Variants in GPATCH2 observed in about 807,000 individuals in gnomAD.
GPATCH2 encodes G patch domain-containing protein 2.
A neutral mutation model predicts 58.0 loss-of-function variants in GPATCH2; 51 were observed. The observed-to-expected ratio is 0.88, with a 90% CI of 0.70 to 1.11. The LOEUF (loss-of-function observed/expected upper bound fraction) is 1.11. Among genes scored for constraint, GPATCH2 ranks in the 50% most tolerant of loss-of-function variants. GPATCH2 has a pLI of 0.00. For missense variants in GPATCH2, 625 were observed against 652.2 expected, an observed-to-expected ratio of 0.96 and a Z score of 0.45; for synonymous variants, 222 against 218.5, an observed-to-expected ratio of 1.02 and a Z score of -0.14.
intron 5 of GPATCH2, among the ~76,000 whole-genome samples, chr1:217,555,586 C>T (rs182882720): frequency 1.3e-5 from 2 of 152,122 alleles, no homozygotes; most frequent in Admixed American, 6.6e-5. Flanking sequence ...GTCCATGATA[C>T]TTATTAATCA....
At chr1:217,453,324 T>C (rs188818580) in intron 8 of GPATCH2, among the ~76,000 whole-genome samples, 125 of 152,258 alleles carry the variant, frequency 8.2e-4, no homozygotes, top group African/African-American at 3.0e-3. Flanking sequence ...ATCAACTAGA[T>C]ATGTGTTTTA....
chr1:217,486,979 A>G (rs1428316704), intron 8 of GPATCH2, among the ~76,000 whole-genome samples: 2 of 152,212 alleles, frequency 1.3e-5, no homozygotes, highest in East Asian at 3.8e-4. Flanking sequence ...CACTTAGACC[A>G]GAGGTCTGAG....
intron 5 of GPATCH2, among the ~76,000 whole-genome samples, chr1:217,573,080 A>G (rs1297921944): frequency 6.6e-6 from 1 of 152,226 alleles, no homozygotes; most frequent in Non-Finnish European, 1.5e-5. Context: ...CTTTTTAAGC[A>G]AATAAAATGA....
chr1:217,580,607 A>C (rs950877165), intron 5 of GPATCH2, among the ~76,000 whole-genome samples: 2 of 152,148 alleles, frequency 1.3e-5, no homozygotes, highest in Non-Finnish European at 2.9e-5. Context: ...CGGTAATCTC[A>C]ATCCTTTCAC....
chr1:217,490,944 G>A (rs1475613792), intron 8 of GPATCH2, among the ~76,000 whole-genome samples: 3 of 152,150 alleles, frequency 2.0e-5, no homozygotes, highest in African/African-American at 4.8e-5. Flanking sequence ...GCATGACATG[G>A]CACTTTGAAG....
chr1:217,438,307 A>G (rs906107496), intron 9 of GPATCH2, among the ~76,000 whole-genome samples: 1 of 152,192 alleles, frequency 6.6e-6, no homozygotes, highest in African/African-American at 2.4e-5. Context: ...AAAATTCCAA[A>G]AACCAGAACG....
chr1:217,568,962 T>A (rs557509357), intron 5 of GPATCH2, among the ~76,000 whole-genome samples: 66 of 152,240 alleles, frequency 4.3e-4, no homozygotes, highest in African/African-American at 1.6e-3. Context: ...TAAGAAGGGA[T>A]GTGATTCTGA....
chr1:217,530,600 T>C (rs1664139757), intron 5 of GPATCH2, among the ~76,000 whole-genome samples: 3 of 152,164 alleles, frequency 2.0e-5, no homozygotes. Flanking sequence ...TGTTTATTTA[T>C]TGGGGCCATC....
At chr1:217,560,540 C>T (rs1665874907) in intron 5 of GPATCH2, among the ~76,000 whole-genome samples, 2 of 152,188 alleles carry the variant, frequency 1.3e-5, no homozygotes, top group Non-Finnish European at 2.9e-5. Flanking sequence ...CTTTCTTGAA[C>T]ACATTTTGCC....
intron 5 of GPATCH2, among the ~76,000 whole-genome samples, chr1:217,561,897 G>A (rs943255471): frequency 1.1e-4 from 16 of 152,180 alleles, no homozygotes; most frequent in African/African-American, 3.6e-4. Context: ...CTTAAGGATA[G>A]AAAAATTATT....
At chr1:217,501,272 AAT>A (rs1157916678) in intron 6 of GPATCH2, among the ~76,000 whole-genome samples, 2 of 152,152 alleles carry the variant, frequency 1.3e-5, no homozygotes, top group Admixed American at 6.6e-5. Flanking sequence ...TGCATGTATC[AAT>A]AGTTTATTCC....
chr1:217,592,231 A>G (rs1056714037), intron 5 of GPATCH2, among the ~76,000 whole-genome samples: 10 of 151,942 alleles, frequency 6.6e-5, no homozygotes, highest in East Asian at 5.8e-4. Flanking sequence ...AACTACATCA[A>G]TTTGCCAATA....
chr1:217,435,391 A>G (rs1658776237), intron 9 of GPATCH2, among the ~76,000 whole-genome samples: 1 of 152,230 alleles, frequency 6.6e-6, no homozygotes, highest in Non-Finnish European at 1.5e-5. Flanking sequence ...TCAAGAGATG[A>G]AAATCTTGTA....
intron 8 of GPATCH2, among the ~76,000 whole-genome samples, chr1:217,477,736 A>G (rs1661028778): frequency 6.6e-6 from 1 of 152,172 alleles, no homozygotes. Flanking sequence ...TCAGTGGAGT[A>G]TAACAGAACA....
chr1:217,493,053 A>G (rs1661827051), intron 7 of GPATCH2, among the ~76,000 whole-genome samples: 1 of 152,270 alleles, frequency 6.6e-6, no homozygotes, highest in South Asian at 2.1e-4. Context: ...CTAAATAAGT[A>G]TTCTTAAATT....
chr1:217,524,596 C>A (rs891965262), intron 5 of GPATCH2, among the ~76,000 whole-genome samples: 2 of 151,710 alleles, frequency 1.3e-5, no homozygotes, highest in Non-Finnish European at 2.9e-5. Flanking sequence ...AAGGAGACTC[C>A]GTCTGCAATC....
chr1:217,599,072 G>A (rs1667991745), intron 5 of GPATCH2, among the ~76,000 whole-genome samples: 1 of 152,174 alleles, frequency 6.6e-6, no homozygotes, highest in African/African-American at 2.4e-5. Context: ...ACACTGTTGT[G>A]AACAGAGGTG....
chr1:217,472,477 T>A (rs1660771994), intron 8 of GPATCH2, among the ~76,000 whole-genome samples: 1 of 152,040 alleles, frequency 6.6e-6, no homozygotes, highest in South Asian at 2.1e-4. Context: ...AATTTTTTTG[T>A]GTTTTTAATA....
intron 5 of GPATCH2, among the ~76,000 whole-genome samples, chr1:217,519,625 C>T (rs535580403): frequency 6.6e-6 from 1 of 152,314 alleles, no homozygotes; most frequent in African/African-American, 2.4e-5. Flanking sequence ...TTTCACATGT[C>T]AACTTTCTCA....
Sources: gnomAD v4.1 joint callset for allele counts (sites outside exome capture counted in the v4.1 genomes callset) on GRCh38, gnomAD v4.1.1 for gene constraint, MANE v1.5 for transcripts, NCBI Gene and HGNC (gene_info 2026-07-23, HGNC 2026-07-21) for gene names.